Variants in ICOS observed in about 807,000 individuals in gnomAD.
The protein encoded by ICOS is inducible T cell costimulator.
In ICOS, 15 loss-of-function variants were observed where a neutral mutation model predicts 24.6. The ratio of observed to expected loss-of-function variants is 0.61; its 90% confidence interval spans 0.41 to 0.94. The LOEUF is 0.94. ICOS is among the 40% of genes least tolerant of loss of function. The pLI is 0.00. For synonymous variants in ICOS, 89 were observed against 77.5 expected (o/e 1.15, Z -0.78); for missense variants, 200 against 233.0 (o/e 0.86, Z 0.92).
At position 203,961,105 on chromosome 2, in the gene ICOS, C is replaced by T. The variant is rs1690171300; in HGVS notation, c.*1506C>T. ...AATGTCGATGCAACAACATTTGTAA[C>T]TTTAGGTAAACTGGGATTATGTTGT... On this transcript the variant is annotated 3_prime_UTR_variant, in exon 5 of 5. Coordinates refer to ENST00000316386, the MANE Select transcript of ICOS (RefSeq NM_012092.4). The T allele has an allele frequency of 6.6e-6, 1 of 152,198 alleles. No individual in the cohort carries two copies. Among genetic ancestry groups the T allele is most frequent in the African/African-American group, 2.4e-5 (1 of 41,400 alleles). The allele number at this position is 152,198 out of a possible 1,614,324, so 9.4% of individuals were successfully genotyped here.
chr2:203,955,698 T>A lies in ICOS; in HGVS notation c.121T>A (p.Leu41Ile). The A allele has an allele frequency of 6.2e-7, 1 of 1,613,694 alleles. No homozygotes were observed. The highest frequency in any genetic ancestry group is 2.2e-5 in the East Asian group (1 of 44,858). ...ATTTCACAACGGAGGTGTACAAATT[T>A]TATGCAAATATCCTGACATTGTCCA... ...FIFHNGGVQI[L>I]CKYPDIVQQF... Residue 41 changes from leucine to isoleucine, a missense_variant, in exon 2 of 5, where the codon TTA becomes ATA. Transcript: ENST00000316386.
intron 4 of ICOS, among the ~76,000 whole-genome samples, chr2:203,958,569 C>T (rs533426925): frequency 2.0e-5 from 3 of 152,020 alleles, no homozygotes; most frequent in African/African-American, 4.8e-5. Flanking sequence ...GAATGATGTG[C>T]GATGTGTAAT....
Position 203,955,832 on chromosome 2 carries a change from T to G in ICOS, c.255T>G (p.Ser85=). 1 of 1,613,806 alleles carries G rather than the reference T, an allele frequency of 6.2e-7. No homozygotes were observed. Among genetic ancestry groups the G allele is most frequent in the Non-Finnish European group, 8.5e-7 (1 of 1,179,788 alleles). The change falls in exon 2 of 5, where the codon TCT becomes TCG. Residue 85 remains serine, a synonymous_variant. Transcript: ENST00000316386. Reference sequence around the variant, plus strand: ...TTAAGAGTCTGAAATTCTGCCATTCTCAGTTATCCAACAACAGTGTCTCTT... The same window carrying G: ...TTAAGAGTCTGAAATTCTGCCATTCGCAGTTATCCAACAACAGTGTCTCTT... ...VSIKSLKFCH[S]QLSNNSVSFF... is the part of the protein sequence containing the mutation.
At chr2:203,951,953 G>T (rs1486121092) in intron 1 of ICOS, among the ~76,000 whole-genome samples, 1 of 152,002 alleles carries the variant, frequency 6.6e-6, no homozygotes, top group Non-Finnish European at 1.5e-5. Flanking sequence ...TTTGCCTCTG[G>T]ATAATATTGT....
At chr2:203,938,886 C>T (rs576272032) in intron 1 of ICOS, among the ~76,000 whole-genome samples, 4 of 152,240 alleles carry the variant, frequency 2.6e-5, no homozygotes, top group South Asian at 4.1e-4. Context: ...ACCTGAGGCA[C>T]GAGTGGCTAA....
In ICOS at chr2:203,960,468, A is replaced by G. The variant is rs1319257186; in HGVS notation, c.*869A>G. The G allele has an allele frequency of 6.6e-6, 1 of 152,230 alleles. No individual in the cohort carries two copies. Among genetic ancestry groups the G allele is most frequent in the African/African-American group, 2.4e-5 (1 of 41,460 alleles). The allele number at this position is 152,230 out of a possible 1,614,324, so 9.4% of individuals were successfully genotyped here. A position where few individuals can be genotyped will look rare whatever the true frequency, so the allele number is the denominator to read the frequency against. The stretch of plus-strand genomic sequence containing the variant: ...GGTTTACTTTGTTCAAGTTAGTGGT[A>G]GGAAACATTGCCCGGAATTGAAAGC... On this transcript the variant is annotated 3_prime_UTR_variant, in exon 5 of 5. Coordinates refer to ENST00000316386, the MANE Select transcript of ICOS (RefSeq NM_012092.4).
At chr2:203,951,061 CAA>C (rs533323850) in intron 1 of ICOS, among the ~76,000 whole-genome samples, 15 of 119,666 alleles carry the variant, frequency 1.3e-4, no homozygotes, top group Non-Finnish European at 1.1e-4. Context: ...GACTCCATCT[CAA>C]AAAAAAAAAA....
chr2:203,952,650 T>G (rs895471109), intron 1 of ICOS, among the ~76,000 whole-genome samples: 2 of 152,214 alleles, frequency 1.3e-5, no homozygotes, highest in African/African-American at 4.8e-5. Context: ...TATATTAAAC[T>G]TATCTATTGA....
intron 1 of ICOS, among the ~76,000 whole-genome samples, chr2:203,945,932 C>T (rs959710116): frequency 5.3e-5 from 8 of 152,082 alleles, no homozygotes; most frequent in Non-Finnish European, 7.4e-5. Context: ...GAGCTGGAGC[C>T]ATAGGTGCAA....
Position 203,959,897 on chromosome 2 carries a change from T to C in ICOS, c.*298T>C, listed in dbSNP as rs1444433479. The C allele has an allele frequency of 5.9e-6, 3 of 509,922 alleles. No individual in the cohort carries two copies. In the Admixed American group the frequency reaches 9.6e-5, roughly 16 times the overall value. The allele number at this position is 509,922 out of a possible 1,614,324, so 31.6% of individuals were successfully genotyped here. ...CTGTCTCCACATCTGCTCCTAGCAG[T>C]GCATCAGCCAGTAAAACAAACACAT... On this transcript the variant is annotated 3_prime_UTR_variant, in exon 5 of 5. Coordinates refer to ENST00000316386, the MANE Select transcript of ICOS (RefSeq NM_012092.4).
At chr2:203,942,885 A>G (rs1176945864) in intron 1 of ICOS, among the ~76,000 whole-genome samples, 1 of 152,194 alleles carries the variant, frequency 6.6e-6, no homozygotes. Flanking sequence ...GGACTGGGTT[A>G]ATTCGAAGAC....
At chr2:203,937,591 CTTTTG>C (rs1404037693) in intron 1 of ICOS, among the ~76,000 whole-genome samples, 1 of 152,038 alleles carries the variant, frequency 6.6e-6, no homozygotes, top group African/African-American at 2.4e-5. Flanking sequence ...ATTTGTACTA[CTTTTG>C]TTTTCTCTTT....
At chr2:203,942,561 A>C (rs1282728661) in intron 1 of ICOS, among the ~76,000 whole-genome samples, 2 of 152,214 alleles carry the variant, frequency 1.3e-5, no homozygotes, top group Admixed American at 6.5e-5. Context: ...ACTTTAAAAT[A>C]ATTTTTTGAT....
At chr2:203,958,466 A>T (rs962245399) in intron 4 of ICOS, among the ~76,000 whole-genome samples, 3 of 152,200 alleles carry the variant, frequency 2.0e-5, no homozygotes, top group African/African-American at 7.2e-5. Context: ...TTCTGTTAAG[A>T]GTCAGAAAAC....
At position 203,955,767 on chromosome 2, in the gene ICOS, G is replaced by C; in HGVS notation, c.190G>C (p.Asp64His). ...GCTGAAAGGGGGGCAAATACTCTGC[G>C]ATCTCACTAAGACAAAAGGAAGTGG... Reference protein sequence around the residue: ...QLLKGGQILCDLTKTKGSGNT... With the variant: ...QLLKGGQILCHLTKTKGSGNT... The change falls in exon 2 of 5, where the codon GAT becomes CAT. Residue 64 changes from aspartate (D) to histidine (H), a missense_variant. Physicochemically the swap from Asp to His is moderately conservative, Grantham distance 81 (BLOSUM62 -1). Transcript: ENST00000316386. 1.2e-6 allele frequency: 2 copies of C among 1,613,764 alleles called. No homozygotes were observed. The highest frequency in any genetic ancestry group is 1.7e-6 in the Non-Finnish European group (2 of 1,179,792).
At chr2:203,948,623 A>G (rs1261494668) in intron 1 of ICOS, among the ~76,000 whole-genome samples, 1 of 152,258 alleles carries the variant, frequency 6.6e-6, no homozygotes, top group East Asian at 1.9e-4. Context: ...TAAAGCTTAG[A>G]GTGGAGTAGC....
intron 1 of ICOS, among the ~76,000 whole-genome samples, chr2:203,950,996 G>T (rs1223582608): frequency 6.6e-6 from 1 of 151,724 alleles, no homozygotes; most frequent in Admixed American, 6.6e-5. Context: ...GGAGGCAGAG[G>T]TTGCAGTGAG....
At chr2:203,956,953 C>T (rs1690087981) in intron 3 of ICOS, among the ~76,000 whole-genome samples, 188 bp downstream of exon 3, 1 of 151,928 alleles carries the variant, frequency 6.6e-6, no homozygotes, top group South Asian at 2.1e-4. Flanking sequence ...TGTTTTATAG[C>T]CCACACATTC....
chr2:203,954,141 G>C (rs1026085398), intron 1 of ICOS, among the ~76,000 whole-genome samples: 1 of 152,160 alleles, frequency 6.6e-6, no homozygotes, highest in African/African-American at 2.4e-5. Flanking sequence ...CAAAAAGAAA[G>C]AGAAGGCAAT....
Sources: allele counts gnomAD v4.1 joint callset (sites outside exome capture counted in the v4.1 genomes callset), GRCh38; gene constraint gnomAD v4.1.1; transcripts MANE v1.5; gene names NCBI Gene and HGNC (gene_info 2026-07-23, HGNC 2026-07-21).